Variants in FGGY observed in about 807,000 individuals in gnomAD.
FGGY encodes the protein FGGY carbohydrate kinase domain containing, also known as FGGY carbohydrate kinase domain-containing protein.
Under a neutral mutation model 71.3 loss-of-function variants are expected in FGGY, and 72 were observed. The observed-to-expected ratio is 1.01, with a 90% confidence interval of 0.84 to 1.23. FGGY has a LOEUF of 1.23. FGGY is among the 50% of genes most tolerant of loss of function. The pLI, the probability that FGGY is intolerant of heterozygous loss-of-function variation, is 0.00. For synonymous variants in FGGY, 251 were observed against 250.3 expected (o/e 1.00, Z -0.02); for missense variants, 668 against 682.3 (o/e 0.98, Z 0.23).
intron 6 of FGGY, among the ~76,000 whole-genome samples, chr1:59,486,196 G>A (rs894534758): frequency 3.3e-5 from 5 of 152,142 alleles, no homozygotes; most frequent in Admixed American, 6.5e-5. Context: ...GAGACCATGC[G>A]TTGGTCAAGG....
At chr1:59,686,707 C>G (rs1252026520) in intron 14 of FGGY, among the ~76,000 whole-genome samples, 1 of 152,072 alleles carries the variant, frequency 6.6e-6, no homozygotes, top group East Asian at 1.9e-4. Context: ...CTAGTACCCT[C>G]TCTTTTACTA....
chr1:59,340,999 G>T (rs1011373400), intron 3 of FGGY, among the ~76,000 whole-genome samples: 4 of 152,206 alleles, frequency 2.6e-5, no homozygotes, highest in Non-Finnish European at 5.9e-5. Flanking sequence ...ACATATTTGG[G>T]GCTAGATTCT....
intron 11 of FGGY, among the ~76,000 whole-genome samples, chr1:59,643,316 G>A (rs1415528329): frequency 6.6e-6 from 1 of 152,042 alleles, no homozygotes; most frequent in African/African-American, 2.4e-5. Context: ...AGCCTCCCAA[G>A]TAGCTAAGAC....
intron 11 of FGGY, among the ~76,000 whole-genome samples, 183 bp from the exon 12 acceptor site, chr1:59,660,036 T>C (rs1572795843): frequency 6.6e-6 from 1 of 152,202 alleles, no homozygotes. Flanking sequence ...GAAGGGATAG[T>C]TTTTCCCAGG....
chr1:59,503,677 T>G (rs2094300548), intron 6 of FGGY, among the ~76,000 whole-genome samples: 1 of 147,758 alleles, frequency 6.8e-6, no homozygotes, highest in South Asian at 2.1e-4. Flanking sequence ...AAATGTTATA[T>G]TCAATTAAAA....
At chr1:59,505,525 C>T (rs796694779) in intron 6 of FGGY, among the ~76,000 whole-genome samples, 16 of 152,232 alleles carry the variant, frequency 1.1e-4, no homozygotes, top group African/African-American at 3.9e-4. Flanking sequence ...GGGGGCTGGC[C>T]CCCAGTGCCA....
rs1168748510 is a variant in FGGY, at chr1:59,622,026, C to CA, written c.1012-3962_1012-3961insA. Among the ~76,000 whole-genome samples the CA allele has an allele frequency of 3.2e-4, 48 of 151,888 alleles. No homozygotes were observed. In the East Asian group the frequency reaches 8.3e-3, roughly 26 times the overall value. ...TCATTCATATTCTCTCTCTCTCTTT[C>CA]TCTCTCTCTAAGTCTCCCAGTCTAA... On this transcript the variant is annotated intron_variant, in intron 9 of 15. Coordinates refer to ENST00000303721, the MANE Select transcript of FGGY (RefSeq NM_018291.5).
chr1:59,468,723 T>C (rs2092778346), intron 6 of FGGY, among the ~76,000 whole-genome samples: 1 of 151,662 alleles, frequency 6.6e-6, no homozygotes, highest in Non-Finnish European at 1.5e-5. Context: ...ATACAAAAAA[T>C]CAGCCAGGTG....
At chr1:59,377,316 G>C (rs1341369591) in intron 4 of FGGY, among the ~76,000 whole-genome samples, 3 of 152,180 alleles carry the variant, frequency 2.0e-5, no homozygotes, top group Non-Finnish European at 4.4e-5. Flanking sequence ...AGATTTAATT[G>C]ACTCACAGTT....
intron 14 of FGGY, among the ~76,000 whole-genome samples, chr1:59,695,309 G>A (rs1215988454): frequency 3.3e-5 from 5 of 152,142 alleles, no homozygotes; most frequent in African/African-American, 1.2e-4. Flanking sequence ...CGGGAGCAGC[G>A]GCTTCTTACC....
chr1:59,473,925 C>T (rs1187503578), intron 6 of FGGY, among the ~76,000 whole-genome samples: 1 of 152,152 alleles, frequency 6.6e-6, no homozygotes, highest in East Asian at 1.9e-4. Flanking sequence ...CCTTAGCTAT[C>T]CTCCCTTCCA....
chr1:59,342,657 A>C (rs2050948216), intron 3 of FGGY, among the ~76,000 whole-genome samples: 4 of 152,140 alleles, frequency 2.6e-5, no homozygotes, highest in Admixed American at 2.0e-4. Context: ...AGGTGGTTTG[A>C]AGGTTCTTTA....
chr1:59,409,619 T>TATAA (rs1296516221), intron 5 of FGGY, among the ~76,000 whole-genome samples: 11 of 142,944 alleles, frequency 7.7e-5, no homozygotes, highest in African/African-American at 3.0e-4. Context: ...TATATATATA[T>TATAA]ATATAAACAG....
At position 59,561,204 on chromosome 1, in the gene FGGY, C is replaced by T. The variant is rs571636122; in HGVS notation, c.903+6977C>T. ...GGGTGGAGTGGGATGGGATTCCACA[C>T]GGTACAGTAGACCACTGTTACACCT... On this transcript the variant is annotated intron_variant, in intron 8 of 15. Coordinates refer to ENST00000303721, the MANE Select transcript of FGGY (RefSeq NM_018291.5). Among the ~76,000 whole-genome samples the T allele has an allele frequency of 3.6e-4, 55 of 152,242 alleles. 2 individuals are homozygous for T. The South Asian group carries it at 0.01, about 29-fold the overall frequency.
intron 8 of FGGY, among the ~76,000 whole-genome samples, chr1:59,584,437 G>C (rs2096248795): frequency 6.7e-6 from 1 of 149,960 alleles, no homozygotes; most frequent in Non-Finnish European, 1.5e-5. Flanking sequence ...TATCTCAATA[G>C]ATGCAGAAAA....
At chr1:59,565,139 TTA>T (rs2095854341) in intron 8 of FGGY, among the ~76,000 whole-genome samples, 1 of 152,164 alleles carries the variant, frequency 6.6e-6, no homozygotes, top group Admixed American at 6.5e-5. Flanking sequence ...CTAATATTTA[TTA>T]TATGTTTATC....
intron 5 of FGGY, among the ~76,000 whole-genome samples, chr1:59,402,901 T>A (rs539555853): frequency 1.3e-5 from 2 of 152,178 alleles, no homozygotes; most frequent in Admixed American, 6.6e-5. Flanking sequence ...TGGGTGAAGA[T>A]GCTTACCTCC....
chr1:59,395,276 A>G (rs1012764166), intron 5 of FGGY, among the ~76,000 whole-genome samples: 1 of 152,180 alleles, frequency 6.6e-6, no homozygotes, highest in Non-Finnish European at 1.5e-5. Flanking sequence ...GACTGGGAAG[A>G]GTTTTTTTTC....
At position 59,548,509 on chromosome 1, in the gene FGGY, C is replaced by T. The variant is rs542255854; in HGVS notation, c.800-5615C>T. 5.3e-5 allele frequency among the ~76,000 whole-genome samples: 8 copies of T among 151,884 alleles called. No individual in the cohort carries two copies. The South Asian group carries it at 1.7e-3, about 32-fold the overall frequency. ...TTCTAAGGGGTCAAGGCATCTTTGCCCAAGGGGATGAAAGAGGGATTCAAG... is the reference window on the plus strand; with the variant it reads ...TTCTAAGGGGTCAAGGCATCTTTGCTCAAGGGGATGAAAGAGGGATTCAAG... On this transcript the variant is annotated intron_variant, in intron 7 of 15. Transcript: ENST00000303721.
Sources: allele counts gnomAD v4.1 joint callset (sites outside exome capture counted in the v4.1 genomes callset), GRCh38; gene constraint gnomAD v4.1.1; transcripts MANE v1.5; gene names NCBI Gene and HGNC (gene_info 2026-07-23, HGNC 2026-07-21).